The following POLR1A variants were observed in gnomAD, a reference collection of about 807,000 sequenced individuals.
POLR1A encodes DNA-directed RNA polymerase I subunit RPA1.
Under a neutral mutation model 205.3 loss-of-function variants are expected in POLR1A, and 84 were observed. The observed-to-expected ratio is 0.41, with a 90% CI of 0.34 to 0.49. The LOEUF (loss-of-function observed/expected upper bound fraction) is 0.49. POLR1A is among the 20% of genes least tolerant of loss of function. POLR1A has a pLI of 0.22. For missense variants in POLR1A, 1,645 were observed against 2,204.5 expected (o/e 0.75, Z 5.08); for synonymous variants, 799 against 863.7 (o/e 0.93, Z 1.31).
At position 86,075,688 on chromosome 2, in the gene POLR1A, A is replaced by G. The variant is rs150182118; in HGVS notation, c.1381-428T>C. 8.1e-3 allele frequency among the ~76,000 whole-genome samples: 1,231 copies of G among 152,234 alleles called. 13 individuals are homozygous for G. The highest frequency in any genetic ancestry group is 0.011 in the Non-Finnish European group (738 of 68,014). ...CACACCTGGCTAATTTTGTATTTTTAGTAGAGACAGGGTTTCTCCATGCTG... is the reference window on the plus strand; with the variant it reads ...CACACCTGGCTAATTTTGTATTTTTGGTAGAGACAGGGTTTCTCCATGCTG... On this transcript the variant is annotated intron_variant, in intron 11 of 33. Transcript: ENST00000263857.
intron 3 of POLR1A, among the ~76,000 whole-genome samples, chr2:86,098,299 G>C (rs544631777): frequency 1.3e-5 from 2 of 152,180 alleles, no homozygotes; most frequent in African/African-American, 4.8e-5. Context: ...CTTTAAGACA[G>C]ATCAAAGAGA....
At chr2:86,104,447 GTTTT>G (rs60028748) in intron 1 of POLR1A, among the ~76,000 whole-genome samples, 6 of 114,222 alleles carry the variant, frequency 5.3e-5, no homozygotes, top group Non-Finnish European at 5.7e-5. Flanking sequence ...GCCGTGTTGA[GTTTT>G]TTTTTTTTTT....
At position 86,051,589 on chromosome 2, in the gene POLR1A, C is replaced by T. The variant is rs554692294; in HGVS notation, c.2392+1228G>A. 9.8e-5 allele frequency among the ~76,000 whole-genome samples: 15 copies of T among 152,316 alleles called. No individual in the cohort carries two copies. The South Asian group carries it at 1.4e-3, about 15-fold the overall frequency. ...AACCAGACAACGCCTATGCACACTG[C>T]GGTGCATGCCTGACACGCAGCATCT... On this transcript the variant is annotated intron_variant, in intron 16 of 33. Coordinates refer to ENST00000263857, the MANE Select transcript of POLR1A (RefSeq NM_015425.6).
intron 24 of POLR1A, among the ~76,000 whole-genome samples, chr2:86,041,065 G>A (rs1167613104): frequency 5.9e-5 from 9 of 152,060 alleles, no homozygotes; most frequent in African/African-American, 2.2e-4. Context: ...AAGTATTCAT[G>A]CCGCACGATT....
At chr2:86,065,508 C>A in intron 13 of POLR1A, 43 bp from the exon 14 acceptor site, 1 of 1,569,522 alleles carries the variant, frequency 6.4e-7, no homozygotes. Flanking sequence ...GAAAATAAAT[C>A]TTAAGTCAAA....
Position 86,030,184 on chromosome 2 carries a change from A to G in POLR1A, c.4779+12T>C. 6.2e-7 allele frequency: 1 copy of G among 1,609,026 alleles called. No individual in the cohort carries two copies. Among genetic ancestry groups the G allele is most frequent in the Non-Finnish European group, 8.5e-7 (1 of 1,175,268 alleles). ...AATGCTTTGTCCCAGGCCAGCAGACAGCCTGTCTTACCTCTGCATACTTGA... is the reference window on the plus strand; with the variant it reads ...AATGCTTTGTCCCAGGCCAGCAGACGGCCTGTCTTACCTCTGCATACTTGA... On this transcript the variant is annotated intron_variant, in intron 31 of 33. Coordinates refer to ENST00000263857, the MANE Select transcript of POLR1A (RefSeq NM_015425.6).
At chr2:86,105,639 C>G (rs1159675535) in intron 1 of POLR1A, 61 bp downstream of exon 1, 3 of 1,141,946 alleles carry the variant, frequency 2.6e-6, no homozygotes, top group South Asian at 1.2e-5. Context: ...TTCTGGGAAT[C>G]GTAGTTTAGG....
chr2:86,058,796 A>G (rs1207390049), intron 14 of POLR1A, among the ~76,000 whole-genome samples: 1 of 152,120 alleles, frequency 6.6e-6, no homozygotes, highest in Non-Finnish European at 1.5e-5. Context: ...CCTTTGACCC[A>G]GCAATTGTAC....
At chr2:86,046,602 T>G (rs1672714409) in intron 19 of POLR1A, among the ~76,000 whole-genome samples, 1 of 152,022 alleles carries the variant, frequency 6.6e-6, no homozygotes. Flanking sequence ...TCCCAGCACT[T>G]TGGGAGGTCG....
rs1325842758 is a variant in POLR1A at position 86,021,657 on chromosome 2, T to A, written c.*5766A>T. 1 of 151,370 alleles carries A rather than the reference T, an allele frequency of 6.6e-6. No homozygotes were observed. The highest frequency in any genetic ancestry group is 2.0e-4 in the East Asian group (1 of 5,116). 9.4% of individuals were successfully genotyped at this position (151,370 alleles called of 1,614,324 possible). A position where few individuals can be genotyped will look rare whatever the true frequency, so the allele number is the denominator to read the frequency against. ...CATGAAGACGGTGAACTGGCTTGTTTGGGGCAGAAGACTACAAGTTCTGTG... is the reference window on the plus strand; with the variant it reads ...CATGAAGACGGTGAACTGGCTTGTTAGGGGCAGAAGACTACAAGTTCTGTG... On this transcript the variant is annotated 3_prime_UTR_variant, in exon 34 of 34. Coordinates refer to ENST00000263857, the MANE Select transcript of POLR1A (RefSeq NM_015425.6).
At position 86,083,106 on chromosome 2, in the gene POLR1A, G is replaced by C. The variant is rs201437136; in HGVS notation, c.793C>G (p.Leu265Val). 526 of 1,613,710 alleles carry C rather than the reference G, an allele frequency of 3.3e-4. No homozygotes were observed. The highest frequency in any genetic ancestry group is 4.2e-4 in the Non-Finnish European group (495 of 1,179,718). Residue 265 changes from leucine (L) to valine (V), a missense_variant, in exon 7 of 34, where the codon CTT (leucine) becomes GTT (valine). Physicochemically the swap from Leu to Val is conservative, Grantham distance 32. Coordinates refer to ENST00000263857, the MANE Select transcript of POLR1A (RefSeq NM_015425.6). ...YLTPTSAREH[L>V]SALWKNEGFF... ...CCTTCATTCTTCCACAGGGCAGAAAGGTGTTCGCGGGCACTGGTGGGTGTT... is the reference window on the plus strand; with the variant it reads ...CCTTCATTCTTCCACAGGGCAGAAACGTGTTCGCGGGCACTGGTGGGTGTT...
At position 86,088,793 on chromosome 2, in the gene POLR1A, G is replaced by A. The variant is rs1673551711; in HGVS notation, c.618C>T (p.Pro206=). Residue 206 remains proline (P), a synonymous_variant, in exon 5 of 34, where the codon CCC becomes CCT. Transcript: ENST00000263857. ...WKAHMNAKRC[P]HCKTGRSVVR... The stretch of plus-strand genomic sequence containing the variant: ...AGGGCCCTGATACTTACTTGCAGTG[G>A]GGACAGCGCTTAGCATTCATATGTG... The A allele has an allele frequency of 1.9e-6, 3 of 1,613,632 alleles. No individual in the cohort carries two copies. The highest frequency in any genetic ancestry group is 2.5e-6 in the Non-Finnish European group (3 of 1,179,558).
In POLR1A at chr2:86,099,854, C is replaced by T. The variant is rs183949074; in HGVS notation, c.282+114G>A. 7.7e-6 allele frequency: 6 copies of T among 778,402 alleles called. No homozygotes were observed. In the East Asian group the frequency reaches 1.3e-4, roughly 17 times the overall value. 48.2% of individuals were successfully genotyped at this position (778,402 alleles called of 1,614,324 possible). A position where few individuals can be genotyped will look rare whatever the true frequency, so the allele number is the denominator to read the frequency against. On this transcript the variant is annotated intron_variant, in intron 2 of 33. Coordinates refer to ENST00000263857, the MANE Select transcript of POLR1A (RefSeq NM_015425.6). ...CTTCAAAATCTCATTCTACAGAATG[C>T]TTTCATTGGAGTGCCTGGGGCTTAA...
At chr2:86,098,543 A>G (rs1673750606) in intron 3 of POLR1A, 68 bp downstream of exon 3, 1 of 1,508,718 alleles carries the variant, frequency 6.6e-7, no homozygotes, top group Admixed American at 1.9e-5. Context: ...AGGACAACAT[A>G]CAAGCATCTC....
At chr2:86,074,184 G>T (rs1673237843) in intron 12 of POLR1A, among the ~76,000 whole-genome samples, 1 of 152,162 alleles carries the variant, frequency 6.6e-6, no homozygotes, top group Admixed American at 6.5e-5. Flanking sequence ...TTTCCTCTCG[G>T]TTCCTCCAAA....
intron 27 of POLR1A, among the ~76,000 whole-genome samples, chr2:86,034,903 C>T (rs1022567096): frequency 6.6e-6 from 1 of 152,148 alleles, no homozygotes; most frequent in Non-Finnish European, 1.5e-5. Flanking sequence ...GATGGAGTCT[C>T]TCTATCCCCC....
chr2:86,096,342 T>C (rs1209581320), intron 3 of POLR1A, among the ~76,000 whole-genome samples: 3 of 152,136 alleles, frequency 2.0e-5, no homozygotes, highest in Admixed American at 2.0e-4. Flanking sequence ...TTAAAATTAC[T>C]ACACTACCCA....
At chr2:86,041,282 C>G (rs1017494222) in intron 24 of POLR1A, among the ~76,000 whole-genome samples, 1 of 129,362 alleles carries the variant, frequency 7.7e-6, no homozygotes, top group African/African-American at 3.0e-5. Context: ...TCTACAGTGT[C>G]TGTGTGTGTG....
intron 3 of POLR1A, among the ~76,000 whole-genome samples, chr2:86,092,746 ACC>A (rs1354477231): frequency 6.6e-6 from 1 of 152,010 alleles, no homozygotes; most frequent in African/African-American, 2.4e-5. Context: ...AATCACTTGA[ACC>A]CGGGAGGTGG....
Sources: allele counts gnomAD v4.1 joint callset (sites outside exome capture counted in the v4.1 genomes callset), GRCh38; gene constraint gnomAD v4.1.1; transcripts MANE v1.5; gene names NCBI Gene and HGNC (gene_info 2026-07-23, HGNC 2026-07-21).